Variants in CNGB3 observed in about 807,000 individuals in gnomAD.
The protein encoded by CNGB3 is cyclic nucleotide gated channel subunit beta 3.
Under a neutral mutation model 92.8 loss-of-function variants are expected in CNGB3, and 86 were observed. That is an observed-to-expected ratio of 0.93 (90% confidence interval 0.78 to 1.11). CNGB3 has a LOEUF of 1.11. Ranked by LOEUF, CNGB3 falls within the 50% of genes least tolerant of loss-of-function variation. The pLI, the probability that CNGB3 is intolerant of heterozygous loss-of-function variation, is 0.00. For synonymous variants in CNGB3, 333 were observed against 332.7 expected (o/e 1.00, Z -0.01); for missense variants, 1,026 against 956.8 (o/e 1.07, Z -0.95).
chr8:86,591,185 C>T (rs1337974135), intron 15 of CNGB3, among the ~76,000 whole-genome samples: 1 of 146,098 alleles, frequency 6.8e-6, no homozygotes, highest in Admixed American at 6.8e-5. Context: ...TGGTTTTCAG[C>T]TCCATCAGCT....
At chr8:86,594,374 A>G in intron 15 of CNGB3, 1 of 306,740 alleles carries the variant, frequency 3.3e-6, no homozygotes, top group South Asian at 3.0e-5. Flanking sequence ...CATGACCTTC[A>G]TTTTCTTGTA....
chr8:86,691,776 G>T (rs546019441), intron 3 of CNGB3, among the ~76,000 whole-genome samples: 54 of 152,002 alleles, frequency 3.6e-4, no homozygotes, highest in Non-Finnish European at 6.8e-4. Context: ...GTTGTGGGTT[G>T]GTTTGTTTTT....
chr8:86,679,438 G>A (rs1455433734), intron 3 of CNGB3, among the ~76,000 whole-genome samples: 1 of 152,138 alleles, frequency 6.6e-6, no homozygotes, highest in Non-Finnish European at 1.5e-5. Context: ...CTATGGGGAG[G>A]AATTAAGGTT....
At chr8:86,661,075 C>T (rs988855828) in intron 6 of CNGB3, 20 of 225,338 alleles carry the variant, frequency 8.9e-5, no homozygotes, top group South Asian at 6.2e-5. Context: ...GTTCTTCATT[C>T]GTTCCCCCAT....
At chr8:86,665,147 C>CA (rs1334930127) in intron 6 of CNGB3, among the ~76,000 whole-genome samples, 7 of 152,020 alleles carry the variant, frequency 4.6e-5, no homozygotes, top group African/African-American at 1.4e-4. Flanking sequence ...ATATAATAGC[C>CA]AAAAAACAAG....
At chr8:86,597,808 C>T (rs1052426441) in intron 15 of CNGB3, among the ~76,000 whole-genome samples, 3 of 151,846 alleles carry the variant, frequency 2.0e-5, no homozygotes, top group African/African-American at 7.3e-5. Flanking sequence ...GGTGAAACCC[C>T]GTCTCTACAA....
chr8:86,639,991 G>A (rs1823149825), intron 10 of CNGB3, among the ~76,000 whole-genome samples: 2 of 152,030 alleles, frequency 1.3e-5, no homozygotes, highest in Non-Finnish European at 2.9e-5. Context: ...ACTTTTAGTA[G>A]TTTTTCTGTG....
intron 13 of CNGB3, among the ~76,000 whole-genome samples, chr8:86,622,254 C>A (rs909541926): frequency 6.6e-6 from 1 of 152,004 alleles, no homozygotes; most frequent in East Asian, 1.9e-4. Context: ...TAGAGTAAGT[C>A]TCATTCCTTG....
At chr8:86,695,703 G>A (rs567020586) in intron 3 of CNGB3, among the ~76,000 whole-genome samples, 6 of 152,234 alleles carry the variant, frequency 3.9e-5, no homozygotes, top group Admixed American at 1.3e-4. Flanking sequence ...TTGCTGGAGA[G>A]CTAGTGTGAT....
At chr8:86,731,148 T>TA (rs1212865488) in intron 2 of CNGB3, among the ~76,000 whole-genome samples, 1 of 152,164 alleles carries the variant, frequency 6.6e-6, no homozygotes, top group African/African-American at 2.4e-5. Context: ...AAGAAAGACT[T>TA]ACCAATGAAT....
In CNGB3 at chr8:86,632,640, CAAA is replaced by C. The variant is rs1563733925; in HGVS notation, c.1320+109_1320+111del. Reference sequence around the variant, plus strand: ...TCATTAAAATAGAAGAAAGTTAGTTCAAAAAAAGAAGAACCAGACAGATTTTAA... The same window carrying C: ...TCATTAAAATAGAAGAAAGTTAGTTCAAAAGAAGAACCAGACAGATTTTAA... On this transcript the variant is annotated intron_variant, in intron 11 of 17. Coordinates refer to ENST00000320005, the MANE Select transcript of CNGB3 (RefSeq NM_019098.5). 69 of 1,154,398 alleles carry C rather than the reference CAAA, an allele frequency of 6.0e-5. 1 individual carries two copies. The South Asian group carries it at 9.5e-4, about 16-fold the overall frequency. 71.5% of individuals were successfully genotyped at this position (1,154,398 alleles called of 1,614,324 possible).
At chr8:86,589,286 C>A (rs983107435) in intron 15 of CNGB3, among the ~76,000 whole-genome samples, 12 of 151,040 alleles carry the variant, frequency 7.9e-5, no homozygotes, top group African/African-American at 2.0e-4. Context: ...TTTCAAAAAA[C>A]CAGATCCTGG....
At chr8:86,620,916 C>T (rs1186778586) in intron 13 of CNGB3, among the ~76,000 whole-genome samples, 1 of 150,610 alleles carries the variant, frequency 6.6e-6, no homozygotes, top group Non-Finnish European at 1.5e-5. Context: ...AAGTTTTTTT[C>T]ATGTAACAGA....
chr8:86,632,708 C>CA (rs1452567050), intron 11 of CNGB3, 44 bp downstream of exon 11: 15 of 1,602,298 alleles, frequency 9.4e-6, no homozygotes, highest in South Asian at 2.2e-5. Context: ...GTTAGTCTTT[C>CA]AAAATGACAG....
At chr8:86,594,679 T>C in intron 15 of CNGB3, 1 of 182,420 alleles carries the variant, frequency 5.5e-6, no homozygotes, top group South Asian at 9.8e-5. Flanking sequence ...CGCTTGCCCC[T>C]GGCTTTAGAC....
At chr8:86,659,295 A>T in intron 6 of CNGB3, 1 of 1,033,484 alleles carries the variant, frequency 9.7e-7, no homozygotes, top group Non-Finnish European at 1.5e-6. Context: ...AACCTGCCCC[A>T]GGTGTGCTTC....
intron 3 of CNGB3, among the ~76,000 whole-genome samples, chr8:86,686,482 G>A (rs1281945038): frequency 1.3e-5 from 2 of 152,132 alleles, no homozygotes; most frequent in African/African-American, 4.8e-5. Context: ...TGCAAAAGCA[G>A]TGTAAAAGAT....
At chr8:86,698,004 G>T (rs1364734482) in intron 3 of CNGB3, among the ~76,000 whole-genome samples, 1 of 152,152 alleles carries the variant, frequency 6.6e-6, no homozygotes, top group African/African-American at 2.4e-5. Context: ...GTATTCCATG[G>T]TGTATACGTG....
chr8:86,713,657 C>T (rs989065869), intron 3 of CNGB3, among the ~76,000 whole-genome samples: 5 of 152,172 alleles, frequency 3.3e-5, no homozygotes, highest in African/African-American at 1.2e-4. Flanking sequence ...CTCTCTCTGT[C>T]ATCTCTGATC....
Sources: allele counts gnomAD v4.1 joint callset (sites outside exome capture counted in the v4.1 genomes callset), GRCh38; gene constraint gnomAD v4.1.1; transcripts MANE v1.5; gene names NCBI Gene and HGNC (gene_info 2026-07-23, HGNC 2026-07-21).